The following EYS variants were observed in gnomAD, a reference collection of about 807,000 sequenced individuals.
EYS encodes the protein protein eyes shut homolog.
In EYS, 250 loss-of-function variants were observed where a neutral mutation model predicts 282.1. That is an observed-to-expected ratio of 0.89 (90% CI 0.80 to 0.98). EYS has a LOEUF of 0.98. Among genes scored for constraint, EYS ranks in the 50% least tolerant of loss-of-function variants. The pLI, the probability that EYS is intolerant of heterozygous loss-of-function variation, is 0.00. For synonymous variants in EYS, 1,355 were observed against 1,282.9 expected (o/e 1.06, Z -1.20); for missense variants, 4,016 against 3,709.0 (o/e 1.08, Z -2.15).
Position 64,173,840 on chromosome 6 carries a change from T to TA in EYS, c.6424+56751dup, listed in dbSNP as rs201499207. On this transcript the variant is annotated intron_variant, in intron 31 of 42. Coordinates refer to ENST00000503581, the MANE Select transcript of EYS (RefSeq NM_001142800.2). The stretch of plus-strand genomic sequence containing the variant: ...TCTTAATATAAACTACAATAGAATT[T>TA]AAAAAACAAATCTGGAAGAAGTATC... Among the ~76,000 whole-genome samples, 795 of 152,082 alleles carry TA rather than the reference T, an allele frequency of 5.2e-3. 3 individuals are homozygous for TA. Among genetic ancestry groups the TA allele is most frequent in the Middle Eastern group, 0.014 (4 of 290 alleles).
At chr6:65,022,469 T>C (rs940429346) in intron 13 of EYS, among the ~76,000 whole-genome samples, 2 of 152,172 alleles carry the variant, frequency 1.3e-5, no homozygotes, top group Non-Finnish European at 2.9e-5. Flanking sequence ...TATGGCTATT[T>C]CTATTCTTTC....
chr6:64,626,934 C>T (rs2149857461), intron 22 of EYS, among the ~76,000 whole-genome samples: 1 of 152,246 alleles, frequency 6.6e-6, no homozygotes, highest in South Asian at 2.1e-4. Context: ...GGGGGCATGT[C>T]ATGAAAGGTA....
At chr6:65,330,630 T>C in intron 11 of EYS, 3 of 942,346 alleles carry the variant, frequency 3.2e-6, no homozygotes, top group Non-Finnish European at 3.8e-6. Flanking sequence ...TAAAAGAAAA[T>C]GTTTATACGC....
rs150353749 is a variant in EYS at position 64,384,747 on chromosome 6, T to C, written c.6078+3943A>G. 4.6e-5 allele frequency among the ~76,000 whole-genome samples: 7 copies of C among 152,286 alleles called. 1 individual carries two copies. The East Asian group carries it at 1.2e-3, about 25-fold the overall frequency. Reference sequence around the variant, plus strand: ...ATTTACTCTCAGACCTTGAAAGTTATCATCATTTATGGTCATCAGGGGAAG... The same window carrying C: ...ATTTACTCTCAGACCTTGAAAGTTACCATCATTTATGGTCATCAGGGGAAG... On this transcript the variant is annotated intron_variant, in intron 29 of 42. Transcript: ENST00000503581.
chr6:64,709,950 G>GT (rs1771151615), intron 22 of EYS, among the ~76,000 whole-genome samples: 1 of 151,962 alleles, frequency 6.6e-6, no homozygotes. Context: ...ATCAAATTGT[G>GT]TTTTTTACTT....
At chr6:63,743,214 C>T (rs1170633030) in intron 41 of EYS, among the ~76,000 whole-genome samples, 2 of 152,086 alleles carry the variant, frequency 1.3e-5, no homozygotes, top group African/African-American at 4.8e-5. Context: ...TGTTTTTAGA[C>T]TTGTGGGTAT....
At chr6:65,399,493 C>T (rs1158387468) in intron 7 of EYS, among the ~76,000 whole-genome samples, 1 of 151,916 alleles carries the variant, frequency 6.6e-6, no homozygotes, top group African/African-American at 2.4e-5. Context: ...AAAACACATT[C>T]TTCTTGAATA....
chr6:64,334,452 G>A (rs896795774), intron 29 of EYS, among the ~76,000 whole-genome samples: 2 of 152,094 alleles, frequency 1.3e-5, no homozygotes, highest in South Asian at 2.1e-4. Flanking sequence ...ACATTAAAAA[G>A]GACATTGAAA....
At chr6:65,071,377 G>T (rs767413325) in intron 12 of EYS, among the ~76,000 whole-genome samples, 1 of 151,648 alleles carries the variant, frequency 6.6e-6, no homozygotes, top group Non-Finnish European at 1.5e-5. Context: ...AAATACATTG[G>T]CATATATCTA....
chr6:65,021,315 TC>T (rs886562539), intron 13 of EYS, among the ~76,000 whole-genome samples: 15 of 152,204 alleles, frequency 9.9e-5, no homozygotes, highest in Non-Finnish European at 1.9e-4. Context: ...AGTTCAAAGT[TC>T]CACAGATCTC....
At chr6:65,094,727 C>A (rs1483947364) in intron 12 of EYS, among the ~76,000 whole-genome samples, 2 of 150,550 alleles carry the variant, frequency 1.3e-5, no homozygotes, top group Non-Finnish European at 3.0e-5. Context: ...GCAGCAAAAG[C>A]AATATTGAGG....
At chr6:64,547,801 C>A (rs981805280) in intron 26 of EYS, among the ~76,000 whole-genome samples, 8 of 152,306 alleles carry the variant, frequency 5.3e-5, no homozygotes, top group Admixed American at 1.3e-4. Flanking sequence ...GCGGCTCGGG[C>A]TGCGCAGGAG....
At chr6:65,208,416 A>G (rs956050830) in intron 12 of EYS, among the ~76,000 whole-genome samples, 16 of 151,848 alleles carry the variant, frequency 1.1e-4, no homozygotes, top group Admixed American at 8.5e-4. Flanking sequence ...AACTAAAACT[A>G]CAACTACCAT....
intron 35 of EYS, among the ~76,000 whole-genome samples, chr6:63,940,857 C>T (rs10447311): frequency 0.31 from 43,289 of 138,326 alleles, 6,824 homozygotes; most frequent in Admixed American, 0.38. Context: ...CAACAGGCCC[C>T]GGTGTGTGAT....
chr6:65,011,917 C>A (rs1213472804), intron 13 of EYS, among the ~76,000 whole-genome samples: 1 of 152,118 alleles, frequency 6.6e-6, no homozygotes, highest in Admixed American at 6.5e-5. Flanking sequence ...TTTGGGTCGC[C>A]TCCCTTTGTA....
intron 35 of EYS, among the ~76,000 whole-genome samples, chr6:63,894,585 G>GT (rs1773487895): frequency 6.6e-6 from 1 of 151,322 alleles, no homozygotes; most frequent in South Asian, 2.1e-4. Flanking sequence ...TTGTTTGTTT[G>GT]TTTGTTTTTT....
intron 8 of EYS, among the ~76,000 whole-genome samples, chr6:65,375,356 C>T (rs191050628): frequency 1.2e-3 from 186 of 152,096 alleles, no homozygotes; most frequent in Non-Finnish European, 1.8e-3. Flanking sequence ...TAAAAAGGAT[C>T]CCCACACACA....
At chr6:63,878,426 G>T (rs1454275983) in intron 35 of EYS, among the ~76,000 whole-genome samples, 1 of 152,164 alleles carries the variant, frequency 6.6e-6, no homozygotes, top group Admixed American at 6.5e-5. Flanking sequence ...CGGGGGTCCG[G>T]GACCCACTTG....
At chr6:64,477,627 T>C (rs1776314564) in intron 26 of EYS, among the ~76,000 whole-genome samples, 1 of 152,144 alleles carries the variant, frequency 6.6e-6, no homozygotes, top group South Asian at 2.1e-4. Flanking sequence ...ATCTTCAATC[T>C]TCTGCTTATA....
Sources: gnomAD v4.1 joint callset for allele counts (sites outside exome capture counted in the v4.1 genomes callset) on GRCh38, gnomAD v4.1.1 for gene constraint, MANE v1.5 for transcripts, NCBI Gene and HGNC (gene_info 2026-07-23, HGNC 2026-07-21) for gene names.